Variants in CNTRL observed in about 807,000 individuals in gnomAD.
The protein encoded by CNTRL is 110 kDa centrosomal protein.
Under a neutral mutation model 303.7 loss-of-function variants are expected in CNTRL, and 233 were observed. That is an observed-to-expected ratio of 0.77 (90% CI 0.69 to 0.86). CNTRL has a LOEUF of 0.86. CNTRL is among the 40% of genes least tolerant of loss of function. CNTRL has a pLI of 0.00. For missense variants in CNTRL, 2,524 were observed against 2,650.6 expected (o/e 0.95, Z 1.05); for synonymous variants, 900 against 922.2 (o/e 0.98, Z 0.44).
At position 121,172,329 on chromosome 9, in the gene CNTRL, T is replaced by C. The variant is rs537233940; in HGVS notation, c.6417+781T>C. On this transcript the variant is annotated intron_variant, in intron 40 of 43. Transcript: ENST00000373855. Reference sequence around the variant, plus strand: ...ACATAGAGTAGTCTCAGGCATCAAATGCAGTTGGTAACACTTTAAGAAACC... The same window carrying C: ...ACATAGAGTAGTCTCAGGCATCAAACGCAGTTGGTAACACTTTAAGAAACC... 3.3e-5 allele frequency among the ~76,000 whole-genome samples: 5 copies of C among 152,306 alleles called. No homozygotes were observed. In the South Asian group the frequency reaches 1.0e-3, roughly 32 times the overall value.
chr9:121,157,482 G>A lies in CNTRL; in HGVS notation c.4378G>A (p.Val1460Ile). The A allele has an allele frequency of 3.7e-6, 6 of 1,613,680 alleles. No individual in the cohort carries two copies. The highest frequency in any genetic ancestry group is 5.1e-6 in the Non-Finnish European group (6 of 1,179,872). The change falls in exon 28 of 44, where the codon GTT (valine) becomes ATT (isoleucine). Residue 1460 changes from valine to isoleucine, a missense_variant. By Grantham distance (29) the Val-to-Ile change is conservative. Transcript: ENST00000373855. ...SCTKEKTKNA[V>I]EKFTDAKRSL... ...GTTTCTTTTCTAGACAAAAAATGCT[G>A]TTGAAAAGTTCACTGATGCCAAGAG...
chr9:121,171,211 T>C (rs1263650139), intron 39 of CNTRL, 197 bp from the exon 40 acceptor site: 6 of 666,406 alleles, frequency 9.0e-6, no homozygotes, highest in Non-Finnish European at 1.7e-5. Flanking sequence ...AAGGTAATGC[T>C]AACAGACTCT....
At chr9:121,091,987 C>T (rs112484387) in intron 4 of CNTRL, among the ~76,000 whole-genome samples, 18,558 of 145,824 alleles carry the variant, frequency 0.13, 1,308 homozygotes, top group East Asian at 0.18. Flanking sequence ...TCCTCAGTCG[C>T]ACTCTCATTC....
At chr9:121,130,833 C>G (rs2050812974) in intron 14 of CNTRL, among the ~76,000 whole-genome samples, 1 of 152,154 alleles carries the variant, frequency 6.6e-6, no homozygotes, top group Admixed American at 6.5e-5. Context: ...TATGTTGTGT[C>G]TTTGTTCTCA....
At chr9:121,156,084 C>G (rs1020994576) in intron 27 of CNTRL, among the ~76,000 whole-genome samples, 3 of 150,896 alleles carry the variant, frequency 2.0e-5, no homozygotes, top group African/African-American at 7.3e-5. Context: ...GTGAGCAGAA[C>G]TAGAGGAAAA....
chr9:121,089,123 G>A (rs2048459982), intron 3 of CNTRL, among the ~76,000 whole-genome samples: 3 of 152,144 alleles, frequency 2.0e-5, no homozygotes, highest in African/African-American at 7.2e-5. Flanking sequence ...TGAAATAATA[G>A]CCATTAAACT....
At chr9:121,158,782 A>G in intron 30 of CNTRL, 73 bp from the exon 31 acceptor site, 1 of 1,397,384 alleles carries the variant, frequency 7.2e-7, no homozygotes, top group Non-Finnish European at 9.9e-7. Context: ...CCTCACAACT[A>G]AATTATCTCC....
At chr9:121,129,398 C>T (rs888538798) in intron 14 of CNTRL, among the ~76,000 whole-genome samples, 2 of 152,150 alleles carry the variant, frequency 1.3e-5, no homozygotes, top group African/African-American at 2.4e-5. Flanking sequence ...CTCTTTGTAG[C>T]AATTGTGAAT....
intron 14 of CNTRL, among the ~76,000 whole-genome samples, chr9:121,130,276 G>A (rs1401865855): frequency 6.6e-6 from 1 of 152,060 alleles, no homozygotes; most frequent in Non-Finnish European, 1.5e-5. Flanking sequence ...TTTTTTGGTT[G>A]GTAGGCTATT....
At chr9:121,169,929 C>T (rs2131876496) in intron 39 of CNTRL, 113 bp downstream of exon 39, 1 of 852,504 alleles carries the variant, frequency 1.2e-6, no homozygotes, top group South Asian at 1.7e-5. Flanking sequence ...AGTCCTGAAC[C>T]CAGCTGTTGT....
chr9:121,103,290 C>T (rs1334413664), intron 7 of CNTRL, among the ~76,000 whole-genome samples: 1 of 152,134 alleles, frequency 6.6e-6, no homozygotes, highest in Non-Finnish European at 1.5e-5. Context: ...CAAAAACAAG[C>T]AATGGGGAAG....
At chr9:121,142,359 C>A in intron 19 of CNTRL, 89 bp downstream of exon 19, 2 of 1,144,702 alleles carry the variant, frequency 1.7e-6, no homozygotes. Context: ...TGGGTGTGAT[C>A]TGTAGTCACC....
chr9:121,119,000 A>G (rs1316261881), intron 12 of CNTRL, among the ~76,000 whole-genome samples: 2 of 152,104 alleles, frequency 1.3e-5, no homozygotes, highest in African/African-American at 4.8e-5. Flanking sequence ...TCCCCCATGG[A>G]TACTGAAGGA....
chr9:121,153,140 C>A (rs1198817796), intron 26 of CNTRL, among the ~76,000 whole-genome samples: 1 of 152,176 alleles, frequency 6.6e-6, no homozygotes, highest in African/African-American at 2.4e-5. Context: ...TGTCATCTCC[C>A]CTTCTCTAGC....
chr9:121,083,379 T>G (rs1325213903), intron 2 of CNTRL, among the ~76,000 whole-genome samples: 2 of 152,204 alleles, frequency 1.3e-5, no homozygotes, highest in Non-Finnish European at 2.9e-5. Context: ...TTTAAAAACT[T>G]TTTTACTTTT....
intron 10 of CNTRL, among the ~76,000 whole-genome samples, chr9:121,113,981 C>T (rs1185503879): frequency 6.6e-6 from 1 of 152,052 alleles, no homozygotes; most frequent in African/African-American, 2.4e-5. Context: ...GAGTAAATCC[C>T]CTCCTTCAAA....
intron 5 of CNTRL, among the ~76,000 whole-genome samples, chr9:121,095,848 T>G (rs1000869229): frequency 1.3e-5 from 2 of 152,252 alleles, no homozygotes; most frequent in South Asian, 2.1e-4. Flanking sequence ...ACCAAAGAAT[T>G]AAATTGACAA....
At chr9:121,122,306 T>C (rs771785161) in intron 12 of CNTRL, 7 of 611,858 alleles carry the variant, frequency 1.1e-5, no homozygotes, top group Middle Eastern at 1.6e-3. Context: ...TTTGGGAGTG[T>C]AGGGAAAAGA....
At chr9:121,159,216 T>A (rs1485383337) in intron 31 of CNTRL, among the ~76,000 whole-genome samples, 197 bp downstream of exon 31, 4 of 152,198 alleles carry the variant, frequency 2.6e-5, no homozygotes, top group African/African-American at 9.7e-5. Flanking sequence ...TTTCTGGATA[T>A]GCTCAAAGTT....
Sources: allele counts gnomAD v4.1 joint callset (sites outside exome capture counted in the v4.1 genomes callset), GRCh38; gene constraint gnomAD v4.1.1; transcripts MANE v1.5; gene names NCBI Gene and HGNC (gene_info 2026-07-23, HGNC 2026-07-21).